Variants in ATP2A2 observed in about 807,000 individuals in gnomAD.
ATP2A2 encodes ATPase sarcoplasmic/endoplasmic reticulum Ca2+ transporting 2.
ATP2A2 carries 14 observed loss-of-function variants against 109.3 expected under a neutral mutation model. The observed-to-expected ratio is 0.13, with a 90% CI of 0.08 to 0.20. ATP2A2 has a LOEUF of 0.20. Ranked by LOEUF, ATP2A2 falls within the 10% of genes least tolerant of loss-of-function variation. The probability of loss-of-function intolerance (pLI) is 1.00; values close to 1 mark genes in which losing one functional copy is unlikely to be tolerated. For synonymous variants in ATP2A2, 506 were observed against 490.9 expected, an observed-to-expected ratio of 1.03 and a Z score of -0.41; for missense variants, 657 against 1,321.6, an observed-to-expected ratio of 0.50 and a Z score of 7.80.
At chr12:110,309,140 A>ATTT (rs10665212) in intron 5 of ATP2A2, among the ~76,000 whole-genome samples, 815 of 48,954 alleles carry the variant, frequency 0.017, 109 homozygotes, top group East Asian at 0.063. Context: ...AAGGAAACTA[A>ATTT]TTTTTTTTTT....
At chr12:110,286,299 T>C (rs1319062510) in intron 3 of ATP2A2, among the ~76,000 whole-genome samples, 1 of 152,184 alleles carries the variant, frequency 6.6e-6, no homozygotes. Context: ...CATGAGATCT[T>C]TTTACTGTAG....
At chr12:110,289,147 C>T (rs1445244088) in intron 3 of ATP2A2, among the ~76,000 whole-genome samples, 1 of 152,136 alleles carries the variant, frequency 6.6e-6, no homozygotes, top group African/African-American at 2.4e-5. Flanking sequence ...AAGTTTGTTC[C>T]CCAGGCTTTA....
At chr12:110,284,695 C>G (rs370003029) in intron 3 of ATP2A2, among the ~76,000 whole-genome samples, 1 of 151,960 alleles carries the variant, frequency 6.6e-6, no homozygotes, top group African/African-American at 2.4e-5. Context: ...CATTATAGAG[C>G]TATATTTTGG....
intron 5 of ATP2A2, among the ~76,000 whole-genome samples, chr12:110,319,291 A>G (rs1877008214): frequency 6.6e-6 from 1 of 150,890 alleles, no homozygotes; most frequent in Non-Finnish European, 1.5e-5. Flanking sequence ...TCATACTCTT[A>G]AAGAATCTGT....
intron 8 of ATP2A2, among the ~76,000 whole-genome samples, chr12:110,328,537 C>A (rs938473110): frequency 6.6e-6 from 1 of 152,110 alleles, no homozygotes; most frequent in African/African-American, 2.4e-5. Context: ...CCACTGCTCT[C>A]AATTCTGGGC....
intron 3 of ATP2A2, among the ~76,000 whole-genome samples, 165 bp from the exon 4 acceptor site, chr12:110,291,855 G>A (rs1175455852): frequency 2.6e-5 from 4 of 151,688 alleles, no homozygotes; most frequent in Non-Finnish European, 1.5e-5. Context: ...GCCATGTTGG[G>A]CAGGTTGGTC....
chr12:110,348,630 G>A lies in ATP2A2; in HGVS notation c.*2160G>A. Reference sequence around the variant, plus strand: ...GCCTGTAAGTAAGTCTCAGCCCTTTGGAGGCCACAGCAGAAGGATTGCTTG... The same window carrying A: ...GCCTGTAAGTAAGTCTCAGCCCTTTAGAGGCCACAGCAGAAGGATTGCTTG... On this transcript the variant is annotated 3_prime_UTR_variant, in exon 20 of 20. Transcript: ENST00000539276. 1 of 985,376 alleles carries A rather than the reference G, an allele frequency of 1.0e-6. No individual in the cohort carries two copies. Among genetic ancestry groups the A allele is most frequent in the Non-Finnish European group, 1.2e-6 (1 of 829,954 alleles). The allele number at this position is 985,376 out of a possible 1,614,324, so 61.0% of individuals were successfully genotyped here. A position where few individuals can be genotyped will look rare whatever the true frequency, so the allele number is the denominator to read the frequency against.
Position 110,345,320 on chromosome 12 carries a change from A to G in ATP2A2, c.2679A>G (p.Pro893=), listed in dbSNP as rs1592867587. The part of the protein sequence containing the change: ...EGVDCAIFES[P]YPMTMALSVL... Reference sequence around the variant, plus strand: ...TGGATTGTGCAATCTTTGAATCCCCATACCCGATGACAATGGCGCTCTCTG... The same window carrying G: ...TGGATTGTGCAATCTTTGAATCCCCGTACCCGATGACAATGGCGCTCTCTG... Residue 893 remains proline (P), a synonymous_variant, in exon 18 of 20, where the codon CCA becomes CCG. Transcript: ENST00000539276. The G allele has an allele frequency of 6.2e-7, 1 of 1,614,198 alleles. No homozygotes were observed. Among genetic ancestry groups the G allele is most frequent in the East Asian group, 2.2e-5 (1 of 44,880 alleles).
intron 5 of ATP2A2, among the ~76,000 whole-genome samples, chr12:110,304,969 G>C (rs1353562313): frequency 6.6e-6 from 1 of 151,714 alleles, no homozygotes. Context: ...TTGCTCTGTT[G>C]TCCAGGCTGG....
chr12:110,347,789 A>C lies in ATP2A2; in HGVS notation c.*1319A>C. 2.8e-6 allele frequency: 3 copies of C among 1,054,004 alleles called. No homozygotes were observed. Among genetic ancestry groups the C allele is most frequent in the Non-Finnish European group, 2.3e-6 (2 of 870,424 alleles). 65.3% of individuals were successfully genotyped at this position (1,054,004 alleles called of 1,614,324 possible). A position where few individuals can be genotyped will look rare whatever the true frequency, so the allele number is the denominator to read the frequency against. On this transcript the variant is annotated 3_prime_UTR_variant, in exon 20 of 20. Transcript: ENST00000539276. Reference sequence around the variant, plus strand: ...CAATGCCTTCCAACATCCATCAACTAACGTGAGTATTTTCTTCCTGGGATT... The same window carrying C: ...CAATGCCTTCCAACATCCATCAACTCACGTGAGTATTTTCTTCCTGGGATT...
At chr12:110,304,009 T>A (rs1237086140) in intron 5 of ATP2A2, among the ~76,000 whole-genome samples, 1 of 152,240 alleles carries the variant, frequency 6.6e-6, no homozygotes, top group Non-Finnish European at 1.5e-5. Context: ...CACCAGTTCC[T>A]GACAACCACA....
At position 110,345,308 on chromosome 12, in the gene ATP2A2, C is replaced by A; in HGVS notation, c.2667C>A (p.Ile889=). ...ACTTTGAAGGCGTGGATTGTGCAAT[C>A]TTTGAATCCCCATACCCGATGACAA... is the stretch of plus-strand genomic sequence containing the variant. The part of the protein sequence containing the change: ...NPDFEGVDCA[I]FESPYPMTMA... The change falls in exon 18 of 20, where the codon ATC becomes ATA. Residue 889 remains isoleucine, a synonymous_variant. Transcript: ENST00000539276. The A allele has an allele frequency of 6.2e-7, 1 of 1,614,184 alleles. No individual in the cohort carries two copies.
chr12:110,315,496 A>G (rs1422414041), intron 5 of ATP2A2, among the ~76,000 whole-genome samples: 1 of 152,222 alleles, frequency 6.6e-6, no homozygotes, highest in Non-Finnish European at 1.5e-5. Context: ...AATCTGATTT[A>G]TCACCAGTTT....
At chr12:110,336,360 A>G (rs1036483663) in intron 11 of ATP2A2, among the ~76,000 whole-genome samples, 1 of 152,064 alleles carries the variant, frequency 6.6e-6, no homozygotes, top group Non-Finnish European at 1.5e-5. Flanking sequence ...CATTTAGCAA[A>G]ATGATTAGTT....
intron 5 of ATP2A2, among the ~76,000 whole-genome samples, chr12:110,303,495 C>G (rs899312640): frequency 1.3e-5 from 2 of 152,134 alleles, no homozygotes; most frequent in Non-Finnish European, 2.9e-5. Flanking sequence ...ACTGCAACCT[C>G]CGACTCCCTG....
intron 4 of ATP2A2, among the ~76,000 whole-genome samples, chr12:110,293,367 C>CTTTTTTTTTTTTTTT (rs1178977431): frequency 2.5e-5 from 2 of 79,858 alleles, no homozygotes; most frequent in Non-Finnish European, 2.4e-5. Context: ...CACTCCCGGC[C>CTTTTTTTTTTTTTTT]TTTTTTTTTT....
At chr12:110,300,075 AGTCTGTCCGTCC>A (rs1332180996) in intron 5 of ATP2A2, among the ~76,000 whole-genome samples, 1 of 148,446 alleles carries the variant, frequency 6.7e-6, no homozygotes, top group Non-Finnish European at 1.5e-5. Context: ...TCCTTCCGTC[AGTCTGTCCGTCC>A]GTCTGTCCTT....
chr12:110,316,429 G>A (rs1191193573), intron 5 of ATP2A2, among the ~76,000 whole-genome samples: 1 of 152,216 alleles, frequency 6.6e-6, no homozygotes, highest in East Asian at 1.9e-4. Flanking sequence ...CTTAACCAAA[G>A]CTGTTATCTC....
At chr12:110,285,973 G>A (rs1364104749) in intron 3 of ATP2A2, among the ~76,000 whole-genome samples, 3 of 149,950 alleles carry the variant, frequency 2.0e-5, no homozygotes, top group African/African-American at 7.4e-5. Context: ...GCCCGGGCTG[G>A]AGCGCAGTGG....
Sources: allele counts gnomAD v4.1 joint callset (sites outside exome capture counted in the v4.1 genomes callset), GRCh38; gene constraint gnomAD v4.1.1; transcripts MANE v1.5; gene names NCBI Gene and HGNC (gene_info 2026-07-23, HGNC 2026-07-21).